Variants in MAP3K13 observed in about 807,000 individuals in gnomAD.
MAP3K13 encodes leucine zipper-bearing kinase.
In MAP3K13, 52 loss-of-function variants were observed where a neutral mutation model predicts 104.0. The ratio of observed to expected loss-of-function variants is 0.50; its 90% confidence interval spans 0.40 to 0.63. MAP3K13 has a LOEUF of 0.63. Among genes scored for constraint, MAP3K13 ranks in the 20% least tolerant of loss-of-function variants. The pLI, the probability that MAP3K13 is intolerant of heterozygous loss-of-function variation, is 0.00. For synonymous variants in MAP3K13, 394 were observed against 442.2 expected (o/e 0.89, Z 1.37); for missense variants, 914 against 1,218.5 (o/e 0.75, Z 3.72).
At chr3:185,312,708 G>A (rs1254985547) in intron 2 of MAP3K13, among the ~76,000 whole-genome samples, 2 of 152,134 alleles carry the variant, frequency 1.3e-5, no homozygotes, top group African/African-American at 4.8e-5. Context: ...ATAATTATAT[G>A]CAAACTATCA....
chr3:185,462,551 T>C (rs541861768), intron 7 of MAP3K13, among the ~76,000 whole-genome samples: 2 of 152,280 alleles, frequency 1.3e-5, no homozygotes, highest in Admixed American at 6.5e-5. Flanking sequence ...ACTGGGTGGA[T>C]CATTTGAGGT....
intron 10 of MAP3K13, among the ~76,000 whole-genome samples, chr3:185,468,123 C>A (rs1018217270): frequency 6.6e-6 from 1 of 152,100 alleles, no homozygotes; most frequent in African/African-American, 2.4e-5. Flanking sequence ...CACCCCCTCA[C>A]CAGGCCCCAC....
intron 1 of MAP3K13, among the ~76,000 whole-genome samples, chr3:185,391,418 G>T (rs1468409136): frequency 6.6e-6 from 1 of 152,084 alleles, no homozygotes; most frequent in African/African-American, 2.4e-5. Flanking sequence ...TTCTTTTTAA[G>T]GCTAAATAAT....
At chr3:185,446,553 A>G (rs1457363467) in intron 4 of MAP3K13, among the ~76,000 whole-genome samples, 1 of 152,224 alleles carries the variant, frequency 6.6e-6, no homozygotes, top group Non-Finnish European at 1.5e-5. Flanking sequence ...TTGGTACCGG[A>G]TTGTATTCAT....
At chr3:185,322,464 C>T (rs1721902125) in intron 2 of MAP3K13, among the ~76,000 whole-genome samples, 2 of 152,194 alleles carry the variant, frequency 1.3e-5, no homozygotes, top group Non-Finnish European at 2.9e-5. Context: ...ATTACACCAT[C>T]CTGCTCCTTT....
At chr3:185,304,241 T>C (rs1721202430) in intron 2 of MAP3K13, among the ~76,000 whole-genome samples, 3 of 152,256 alleles carry the variant, frequency 2.0e-5, no homozygotes, top group Admixed American at 6.5e-5. Context: ...TAACGTGTTA[T>C]CTGTCCCAGA....
At chr3:185,300,823 T>C (rs1449199955) in intron 2 of MAP3K13, among the ~76,000 whole-genome samples, 1 of 152,188 alleles carries the variant, frequency 6.6e-6, no homozygotes, top group African/African-American at 2.4e-5. Flanking sequence ...ATAATATCCA[T>C]TGTGTGAATA....
intron 2 of MAP3K13, among the ~76,000 whole-genome samples, chr3:185,290,223 GA>G (rs1720683027): frequency 1.3e-5 from 2 of 151,780 alleles, no homozygotes; most frequent in African/African-American, 4.8e-5. Context: ...TGGCATGCTT[GA>G]AAAAACTTTA....
At chr3:185,472,568 TC>T (rs1321320971) in intron 10 of MAP3K13, among the ~76,000 whole-genome samples, 2 of 152,168 alleles carry the variant, frequency 1.3e-5, no homozygotes, top group Non-Finnish European at 2.9e-5. Context: ...GGGACGTTGT[TC>T]CATAAACGTT....
intron 7 of MAP3K13, among the ~76,000 whole-genome samples, chr3:185,455,330 G>GAGATATATATGAT (rs1560119179): frequency 1.1e-3 from 25 of 23,278 alleles, no homozygotes; most frequent in Non-Finnish European, 2.3e-3. Flanking sequence ...AGATATATAT[G>GAGATATATATGAT]ATATATATGA....
rs377254246 is a variant in MAP3K13, at chr3:185,386,219, A to G, written c.-86+22851A>G. Among the ~76,000 whole-genome samples the G allele has an allele frequency of 2.0e-5, 3 of 152,146 alleles. No homozygotes were observed. The East Asian group carries it at 5.8e-4, about 29-fold the overall frequency. ...AGGAGCTTAAACAAATTTACAAGAA[A>G]AAAAACAAACATTCCCATTAAAAAG... On this transcript the variant is annotated intron_variant, in intron 1 of 13. Coordinates refer to ENST00000265026, the MANE Select transcript of MAP3K13 (RefSeq NM_004721.5).
At chr3:185,304,181 C>G (rs1721200500) in intron 2 of MAP3K13, among the ~76,000 whole-genome samples, 1 of 152,178 alleles carries the variant, frequency 6.6e-6, no homozygotes, top group South Asian at 2.1e-4. Context: ...GGAAAAGATG[C>G]TTGGTATGGT....
chr3:185,396,406 C>T (rs77294185), intron 1 of MAP3K13, among the ~76,000 whole-genome samples: 7,796 of 151,970 alleles, frequency 0.051, 315 homozygotes, highest in East Asian at 0.19. Context: ...ATAGGTACAT[C>T]CTTCCAGACC....
Position 185,487,167 on chromosome 3 carries a change from T to TC in MAP3K13, c.*4711_*4712insC, listed in dbSNP as rs1280083900. On this transcript the variant is annotated 3_prime_UTR_variant, in exon 14 of 14. Transcript: ENST00000265026. Reference sequence around the variant, plus strand: ...TTTACCTGGCACCAACCCAGACTTTTTTTGGGGGGGGGTGAGGGCGCAGGA... The same window carrying TC: ...TTTACCTGGCACCAACCCAGACTTTTCTTTGGGGGGGGGTGAGGGCGCAGGA... 2.7e-5 allele frequency: 3 copies of TC among 111,066 alleles called. No homozygotes were observed. The highest frequency in any genetic ancestry group is 1.1e-4 in the African/African-American group (3 of 27,430). 6.9% of individuals were successfully genotyped at this position (111,066 alleles called of 1,614,324 possible). A position where few individuals can be genotyped will look rare whatever the true frequency, so the allele number is the denominator to read the frequency against.
At chr3:185,321,625 A>T (rs1249092215) in intron 2 of MAP3K13, among the ~76,000 whole-genome samples, 1 of 152,044 alleles carries the variant, frequency 6.6e-6, no homozygotes, top group African/African-American at 2.4e-5. Context: ...TTTGTTTGAG[A>T]TGGAGTCTCA....
intron 2 of MAP3K13, among the ~76,000 whole-genome samples, chr3:185,338,872 G>C (rs2108717471): frequency 6.6e-6 from 1 of 152,170 alleles, no homozygotes; most frequent in South Asian, 2.1e-4. Context: ...CAAAGAATGA[G>C]ATTCTGGCCT....
chr3:185,378,906 CA>C (rs1724571085), intron 1 of MAP3K13, among the ~76,000 whole-genome samples: 1 of 151,992 alleles, frequency 6.6e-6, no homozygotes, highest in Non-Finnish European at 1.5e-5. Context: ...TGGGGCCAAG[CA>C]GTGTTGCAGA....
At chr3:185,420,264 G>A (rs907252269) in intron 1 of MAP3K13, among the ~76,000 whole-genome samples, 1 of 152,104 alleles carries the variant, frequency 6.6e-6, no homozygotes, top group Non-Finnish European at 1.5e-5. Flanking sequence ...GAGTAAGTAG[G>A]GATAAAGGCA....
intron 2 of MAP3K13, among the ~76,000 whole-genome samples, chr3:185,331,015 T>C (rs1722247474): frequency 6.6e-6 from 1 of 151,788 alleles, no homozygotes; most frequent in South Asian, 2.1e-4. Context: ...CAGAGAGGCC[T>C]TCCCAGACTA....
Sources: allele counts gnomAD v4.1 joint callset (sites outside exome capture counted in the v4.1 genomes callset), GRCh38; gene constraint gnomAD v4.1.1; transcripts MANE v1.5; gene names NCBI Gene and HGNC (gene_info 2026-07-23, HGNC 2026-07-21).